CCDC63: variants seen among roughly 807,000 people sequenced by gnomAD.
The protein encoded by CCDC63 is coiled-coil domain-containing protein 63.
Under a neutral mutation model 63.6 loss-of-function variants are expected in CCDC63, and 54 were observed. The observed-to-expected ratio is 0.85, with a 90% CI of 0.68 to 1.07. The LOEUF (loss-of-function observed/expected upper bound fraction) is 1.07, where lower values mean the gene tolerates loss of function less well. Among genes scored for constraint, CCDC63 ranks in the 50% least tolerant of loss-of-function variants. The pLI is 0.00. For synonymous variants in CCDC63, 253 were observed against 266.1 expected, an observed-to-expected ratio of 0.95 and a Z score of 0.48; for missense variants, 637 against 689.6, an observed-to-expected ratio of 0.92 and a Z score of 0.86.
At chr12:110,869,975 T>A (rs2136677516) in intron 4 of CCDC63, among the ~76,000 whole-genome samples, 1 of 152,326 alleles carries the variant, frequency 6.6e-6, no homozygotes, top group Middle Eastern at 3.4e-3. Context: ...TTCTCACATA[T>A]CCTTCACCCG....
At chr12:110,850,286 G>T (rs938034303) in intron 1 of CCDC63, among the ~76,000 whole-genome samples, 3 of 152,206 alleles carry the variant, frequency 2.0e-5, no homozygotes, top group Admixed American at 2.0e-4. Context: ...CATCCCATTG[G>T]TGAGAATTCA....
chr12:110,856,267 G>A (rs2070769174), intron 3 of CCDC63, among the ~76,000 whole-genome samples: 1 of 151,698 alleles, frequency 6.6e-6, no homozygotes, highest in Non-Finnish European at 1.5e-5. Flanking sequence ...TGTATTTTTA[G>A]TAGAGAAAGG....
intron 3 of CCDC63, among the ~76,000 whole-genome samples, chr12:110,857,961 CTG>C (rs1017473346): frequency 6.6e-6 from 1 of 151,950 alleles, no homozygotes; most frequent in African/African-American, 2.4e-5. Flanking sequence ...CAAAAAGTAA[CTG>C]GGCATGGTGG....
intron 4 of CCDC63, among the ~76,000 whole-genome samples, chr12:110,861,825 G>A (rs952871276): frequency 6.7e-6 from 1 of 150,050 alleles, no homozygotes; most frequent in African/African-American, 2.5e-5. Context: ...GCCCTCTTCC[G>A]CCTCTGAAGT....
intron 5 of CCDC63, among the ~76,000 whole-genome samples, chr12:110,877,275 C>T (rs1197145556): frequency 2.7e-5 from 4 of 150,552 alleles, no homozygotes; most frequent in Admixed American, 2.0e-4. Flanking sequence ...TGCAATGGCA[C>T]GATCTTGGCT....
chr12:110,873,921 T>C lies in CCDC63; in HGVS notation c.449T>C (p.Leu150Pro). 2 of 1,611,584 alleles carry C rather than the reference T, an allele frequency of 1.2e-6. No individual in the cohort carries two copies. Among genetic ancestry groups the C allele is most frequent in the Non-Finnish European group, 1.7e-6 (2 of 1,179,342 alleles). The change falls in exon 5 of 12, where the codon CTG (leucine) becomes CCG (proline). Residue 150 changes from leucine (L) to proline (P), a missense_variant. Transcript: ENST00000308208. ...CAGGAGGCCAATAACCCCCGGAAACTGCAGAAACAGATTCACATTTTGGAA... is the reference window on the plus strand; with the variant it reads ...CAGGAGGCCAATAACCCCCGGAAACCGCAGAAACAGATTCACATTTTGGAA... ...KMQEANNPRK[L>P]QKQIHILETR...
intron 4 of CCDC63, among the ~76,000 whole-genome samples, chr12:110,870,726 C>G (rs2071054742): frequency 6.6e-6 from 1 of 152,186 alleles, no homozygotes; most frequent in Non-Finnish European, 1.5e-5. Flanking sequence ...AATGACCGCC[C>G]TGGTTGCTCT....
chr12:110,867,590 T>C (rs1400439518), intron 4 of CCDC63, among the ~76,000 whole-genome samples: 2 of 125,874 alleles, frequency 1.6e-5, no homozygotes, highest in East Asian at 5.4e-4. Context: ...CCCCCCCACC[T>C]CCCTCCCAGA....
chr12:110,880,801 CAAT>C (rs2136697657), intron 6 of CCDC63, among the ~76,000 whole-genome samples: 2 of 2,270 alleles, frequency 8.8e-4, no homozygotes, highest in Non-Finnish European at 1.8e-3. Flanking sequence ...ATGATGGTGA[CAAT>C]GATGATGGTG....
At chr12:110,890,059 G>A (rs938662028) in intron 8 of CCDC63, among the ~76,000 whole-genome samples, 1 of 151,966 alleles carries the variant, frequency 6.6e-6, no homozygotes, top group Non-Finnish European at 1.5e-5. Context: ...TTGGGAGGCC[G>A]AGGTGGGCGG....
intron 7 of CCDC63, 34 bp downstream of exon 7, chr12:110,881,330 A>ACTCTCTTTCTTGCCTTCTTTCTCTCTTT: frequency 1.9e-6 from 3 of 1,580,790 alleles, no homozygotes; most frequent in Non-Finnish European, 2.6e-6. Flanking sequence ...GTGCTCTCTC[A>ACTCTCTTTCTTGCCTTCTTTCTCTCTTT]CTCTCTTTCT....
rs965294005 is a variant in CCDC63 at position 110,907,176 on chromosome 12, C to T, written c.1547-155C>T. Among the ~76,000 whole-genome samples the T allele has an allele frequency of 6.6e-6, 1 of 152,186 alleles. No homozygotes were observed. Among genetic ancestry groups the T allele is most frequent in the African/African-American group, 2.4e-5 (1 of 41,440 alleles). On this transcript the variant is annotated intron_variant, in intron 11 of 11. Coordinates refer to ENST00000308208, the MANE Select transcript of CCDC63 (RefSeq NM_152591.3). The surrounding 1 kb of genome is among the most constrained non-coding windows in gnomAD (Gnocchi z 4.4). Reference sequence around the variant, plus strand: ...AAAAACTAGTCATTGTCTGGGCAGCCCCAAGAAGTATATTTCTGTTCATTC... The same window carrying T: ...AAAAACTAGTCATTGTCTGGGCAGCTCCAAGAAGTATATTTCTGTTCATTC...
intron 10 of CCDC63, among the ~76,000 whole-genome samples, chr12:110,903,299 G>C (rs933197014): frequency 6.6e-6 from 1 of 152,158 alleles, no homozygotes; most frequent in Non-Finnish European, 1.5e-5. Context: ...CATTGTGCCC[G>C]GCCTGGATGG....
chr12:110,866,957 C>T (rs1270950054), intron 4 of CCDC63, among the ~76,000 whole-genome samples: 3 of 144,156 alleles, frequency 2.1e-5, no homozygotes, highest in East Asian at 2.1e-4. Context: ...GCTGACCCCC[C>T]CACCTCCCTC....
chr12:110,846,534 AT>A (rs1042334549), upstream of CCDC63, among the ~76,000 whole-genome samples: 47 of 150,660 alleles, frequency 3.1e-4, no homozygotes, highest in East Asian at 9.8e-4. Context: ...CCGCCCCAAC[AT>A]TTTTTTTTAA....
intron 4 of CCDC63, among the ~76,000 whole-genome samples, chr12:110,866,828 G>A (rs2070956894): frequency 1.3e-5 from 2 of 148,420 alleles, no homozygotes; most frequent in African/African-American, 5.0e-5. Context: ...TCAATGAGCT[G>A]TTGGGCACAC....
chr12:110,858,335 A>G (rs1398687752), intron 3 of CCDC63, among the ~76,000 whole-genome samples: 2 of 152,064 alleles, frequency 1.3e-5, no homozygotes, highest in Non-Finnish European at 2.9e-5. Flanking sequence ...TGACAGGCAC[A>G]GCTGCAAATT....
intron 10 of CCDC63, among the ~76,000 whole-genome samples, chr12:110,904,116 G>T (rs117528052): frequency 0.063 from 9,634 of 152,160 alleles, 418 homozygotes; most frequent in East Asian, 0.21. Context: ...AGCACTTTAG[G>T]AGGCTGATGC....
At chr12:110,890,781 T>TC (rs1265472744) in intron 8 of CCDC63, among the ~76,000 whole-genome samples, 1 of 145,720 alleles carries the variant, frequency 6.9e-6, no homozygotes, top group Non-Finnish European at 1.5e-5. Context: ...TTCTTTTTTT[T>TC]TTTTTTTTTT....
Sources: allele counts gnomAD v4.1 joint callset (sites outside exome capture counted in the v4.1 genomes callset), GRCh38; gene constraint gnomAD v4.1.1; non-coding constraint Gnocchi (gnomAD v3.1); transcripts MANE v1.5; gene names NCBI Gene and HGNC (gene_info 2026-07-23, HGNC 2026-07-21).